TENM2: variants seen among roughly 807,000 people sequenced by gnomAD.
TENM2 encodes teneurin transmembrane protein 2.
A neutral mutation model predicts 245.2 loss-of-function variants in TENM2; 52 were observed. The ratio of observed to expected loss-of-function variants is 0.21; its 90% CI spans 0.17 to 0.27. The LOEUF (loss-of-function observed/expected upper bound fraction) is 0.27, where lower values mean the gene tolerates loss of function less well. Ranked by LOEUF, TENM2 falls within the 10% of genes least tolerant of loss-of-function variation. The pLI is 1.00. For missense variants in TENM2, 3,046 were observed against 3,666.8 expected (o/e 0.83, Z 4.37); for synonymous variants, 1,363 against 1,438.9 (o/e 0.95, Z 1.19).
At chr5:167,866,026 C>G (rs918727468) in intron 2 of TENM2, among the ~76,000 whole-genome samples, 5 of 152,136 alleles carry the variant, frequency 3.3e-5, no homozygotes, top group Non-Finnish European at 5.9e-5. Flanking sequence ...AACCTGTACC[C>G]AAAGTCACTC....
chr5:168,104,040 GTTTT>G lies in TENM2; in HGVS notation c.1813+5916_1813+5919del, dbSNP rs869035043. ...TGTTTGTTTGTTTGTTTGTTTGTTT[GTTTT>G]TTGAGACAGAGATTTGCTCTGTCAC... On this transcript the variant is annotated intron_variant, in intron 9 of 28. Coordinates refer to ENST00000518659, the Ensembl canonical transcript of TENM2. 2.9e-5 allele frequency among the ~76,000 whole-genome samples: 4 copies of G among 139,408 alleles called. No individual in the cohort carries two copies. In the East Asian group the frequency reaches 8.6e-4, roughly 30 times the overall value. 91.5% of individuals were successfully genotyped at this position (139,408 alleles called of 152,430 possible).
intron 1 of TENM2, among the ~76,000 whole-genome samples, chr5:167,295,508 C>G (rs548126801): frequency 2.6e-5 from 4 of 152,132 alleles, no homozygotes; most frequent in Admixed American, 6.6e-5. Context: ...CAGTGAGAGA[C>G]GGAAGAATTG....
intron 4 of TENM2, among the ~76,000 whole-genome samples, chr5:167,982,178 T>C (rs1271655123): frequency 1.3e-5 from 2 of 152,116 alleles, no homozygotes; most frequent in South Asian, 2.1e-4. Flanking sequence ...TTTTTTACCA[T>C]TCTTCATATG....
intron 12 of TENM2, among the ~76,000 whole-genome samples, chr5:168,138,421 T>C (rs1020427604): frequency 3.3e-5 from 5 of 152,264 alleles, no homozygotes; most frequent in African/African-American, 1.2e-4. Flanking sequence ...TTCCCAAATG[T>C]GTCTTCACAG....
At chr5:167,412,547 A>G (rs1013422032) in intron 2 of TENM2, among the ~76,000 whole-genome samples, 1 of 152,150 alleles carries the variant, frequency 6.6e-6, no homozygotes, top group African/African-American at 2.4e-5. Context: ...TGCCGTGATA[A>G]GATTATCTAT....
At chr5:168,078,391 C>G (rs1335598378) in intron 7 of TENM2, among the ~76,000 whole-genome samples, 1 of 152,188 alleles carries the variant, frequency 6.6e-6, no homozygotes, top group African/African-American at 2.4e-5. Flanking sequence ...CCAGTTCACT[C>G]TGATGGTAGT....
At chr5:167,256,844 G>C in the TENM2 span, among the ~76,000 whole-genome samples, 2 of 152,114 alleles carry the variant, frequency 1.3e-5, no homozygotes, top group Non-Finnish European at 2.9e-5. Context: ...TTGGGAAAAA[G>C]AAAAGAGAAA....
At chr5:167,887,041 T>A (rs1239143997) in intron 3 of TENM2, among the ~76,000 whole-genome samples, 3 of 152,234 alleles carry the variant, frequency 2.0e-5, no homozygotes, top group Non-Finnish European at 4.4e-5. Context: ...GAAGATATCA[T>A]GACTACTATT....
chr5:168,096,122 GAGA>G (rs1400953603), intron 8 of TENM2, among the ~76,000 whole-genome samples: 1 of 152,208 alleles, frequency 6.6e-6, no homozygotes, highest in Non-Finnish European at 1.5e-5. Context: ...ACTCAGGAGA[GAGA>G]CACTATCGCT....
At chr5:167,087,765 T>A in the TENM2 span, among the ~76,000 whole-genome samples, 1 of 151,254 alleles carries the variant, frequency 6.6e-6, no homozygotes, top group African/African-American at 2.4e-5. Flanking sequence ...ATTGGGAGAG[T>A]GTTTTTTATA....
At chr5:167,552,950 T>C (rs1193715573) in intron 2 of TENM2, among the ~76,000 whole-genome samples, 4 of 151,946 alleles carry the variant, frequency 2.6e-5, no homozygotes, top group Non-Finnish European at 4.4e-5. Context: ...AATGAATGAA[T>C]AAGTGAGACA....
At chr5:168,194,716 A>G (rs1454738637) in intron 14 of TENM2, among the ~76,000 whole-genome samples, 2 of 152,150 alleles carry the variant, frequency 1.3e-5, no homozygotes, top group Non-Finnish European at 2.9e-5. Context: ...TCCCAGCCAT[A>G]AAACTCTCTG....
intron 3 of TENM2, among the ~76,000 whole-genome samples, chr5:167,930,971 G>C (rs1234521050): frequency 1.3e-5 from 2 of 152,188 alleles, no homozygotes; most frequent in East Asian, 3.8e-4. Flanking sequence ...CTTTAGCCAA[G>C]AGGAGTTATT....
the TENM2 span, among the ~76,000 whole-genome samples, chr5:167,239,533 T>C: frequency 1.3e-5 from 2 of 152,150 alleles, no homozygotes; most frequent in African/African-American, 2.4e-5. Flanking sequence ...GTTGCCATAG[T>C]GTCGGAACTG....
intron 2 of TENM2, among the ~76,000 whole-genome samples, chr5:167,672,819 A>G (rs1361583960): frequency 1.3e-5 from 2 of 152,104 alleles, no homozygotes; most frequent in East Asian, 3.9e-4. Flanking sequence ...GTGGTGTGAC[A>G]AATCATTCCA....
intron 13 of TENM2, chr5:168,186,919 C>G (rs1462034072): frequency 1.3e-5 from 2 of 152,176 alleles, no homozygotes. Context: ...AGACGCGATT[C>G]TCATGACTGA....
At chr5:167,482,333 A>G (rs1416311888) in intron 2 of TENM2, among the ~76,000 whole-genome samples, 2 of 152,178 alleles carry the variant, frequency 1.3e-5, no homozygotes, top group Non-Finnish European at 2.9e-5. Context: ...ATCTTTGCAA[A>G]CGTGATTTGT....
rs1377867653 is a variant in TENM2, at chr5:167,682,181, T to TTTAC, written c.503-193803_503-193802insACTT. On this transcript the variant is annotated intron_variant, in intron 2 of 28. Transcript: ENST00000518659. ...TCCTTCCTTCCTCCCTTCCTTCTTTTTTTCTTTCTTTTGCTCTGTTGCCCA... is the reference window on the plus strand; with the variant it reads ...TCCTTCCTTCCTCCCTTCCTTCTTTTTTACTTTCTTTCTTTTGCTCTGTTGCCCA... 4.1e-5 allele frequency among the ~76,000 whole-genome samples: 6 copies of TTTAC among 148,096 alleles called. No individual in the cohort carries two copies. The East Asian group carries it at 1.2e-3, about 30-fold the overall frequency.
intron 2 of TENM2, among the ~76,000 whole-genome samples, chr5:167,829,193 A>T (rs1216020912): frequency 6.6e-6 from 1 of 152,240 alleles, no homozygotes; most frequent in Non-Finnish European, 1.5e-5. Flanking sequence ...CCTCTTATGA[A>T]GAAGAAGAAA....
Sources: gnomAD v4.1 joint callset for allele counts (sites outside exome capture counted in the v4.1 genomes callset) on GRCh38, gnomAD v4.1.1 for gene constraint, MANE v1.5 for transcripts, NCBI Gene and HGNC (gene_info 2026-07-23, HGNC 2026-07-21) for gene names.